Variants in TRIM26 observed in about 807,000 individuals in gnomAD.
TRIM26 encodes tripartite motif-containing protein 26.
Under a neutral mutation model 45.5 loss-of-function variants are expected in TRIM26, and 16 were observed. That is an observed-to-expected ratio of 0.35 (90% CI 0.24 to 0.53). The LOEUF (loss-of-function observed/expected upper bound fraction) is 0.53, where lower values mean the gene tolerates loss of function less well. Ranked by LOEUF, TRIM26 falls within the 20% of genes least tolerant of loss-of-function variation. The pLI is 0.92. For missense variants in TRIM26, 442 were observed against 691.1 expected (o/e 0.64, Z 4.04); for synonymous variants, 273 against 290.4 (o/e 0.94, Z 0.61).
chr6:30,186,949 A>C lies in TRIM26; in HGVS notation c.938-391T>G, dbSNP rs1775258723. 2.0e-6 allele frequency: 1 copy of C among 508,342 alleles called. No homozygotes were observed. The highest frequency in any genetic ancestry group is 3.6e-6 in the Non-Finnish European group (1 of 278,432). The allele number at this position is 508,342 out of a possible 1,614,324, so 31.5% of individuals were successfully genotyped here. On this transcript the variant is annotated intron_variant, in intron 9 of 9. Coordinates refer to ENST00000454678, the MANE Select transcript of TRIM26 (RefSeq NM_003449.5). This position sits in a 1 kb window ranked among gnomAD's most constrained non-coding sequence, Gnocchi z 7.4. The stretch of plus-strand genomic sequence containing the variant: ...CCATTTTCTTCATAATCCAGAAAAA[A>C]AGTCCTCTTTTTCAAGTAACTCTTG...
chr6:30,203,957 A>G (rs1031027171), intron 2 of TRIM26, among the ~76,000 whole-genome samples: 1 of 152,174 alleles, frequency 6.6e-6, no homozygotes, highest in African/African-American at 2.4e-5. Context: ...AACCATCAAA[A>G]ATGGTTAAAT....
Position 30,199,117 on chromosome 6 carries a change from CAG to C in TRIM26, c.-16_-15del. 6.5e-7 allele frequency: 1 copy of C among 1,538,364 alleles called. No homozygotes were observed. The highest frequency in any genetic ancestry group is 1.3e-5 in the South Asian group (1 of 79,452). On this transcript the variant is annotated 5_prime_UTR_variant, in exon 4 of 10. It removes the in-frame stop codon of an upstream open reading frame in the 5' UTR. Coordinates refer to ENST00000454678, the MANE Select transcript of TRIM26 (RefSeq NM_003449.5). The stretch of plus-strand genomic sequence containing the variant: ...TGACGTGGCCATGGTATCCTTAGTT[CAG>C]AGAGGTCTCCGTTCACTGGTGAGGA...
intron 6 of TRIM26, among the ~76,000 whole-genome samples, chr6:30,191,758 T>TG (rs1220919753): frequency 4.6e-5 from 7 of 152,218 alleles, no homozygotes; most frequent in African/African-American, 9.6e-5. Context: ...GCCCAGAGAC[T>TG]GGTAGCACAT....
chr6:30,186,956 C>A lies in TRIM26; in HGVS notation c.938-398G>T, dbSNP rs1477912155. 4.1e-6 allele frequency: 2 copies of A among 485,804 alleles called. No homozygotes were observed. 30.1% of individuals were successfully genotyped at this position (485,804 alleles called of 1,614,324 possible). On this transcript the variant is annotated intron_variant, in intron 9 of 9. Transcript: ENST00000454678. The surrounding 1 kb of genome is among the most constrained non-coding windows in gnomAD (Gnocchi z 7.4). ...CTTCATAATCCAGAAAAAAAGTCCT[C>A]TTTTTCAAGTAACTCTTGATATGCT...
In TRIM26 at chr6:30,209,928, CG is replaced by C. The variant is rs1475485247; in HGVS notation, c.-376+3376del. On this transcript the variant is annotated intron_variant, in intron 1 of 9. Transcript: ENST00000454678. The surrounding 1 kb of genome is among the most constrained non-coding windows in gnomAD (Gnocchi z 4.8). ...CTGAGGTCAAAACTGCACAGGTGGC[CG>C]GGCACGGTGCCTCACGCCTGTAATC... Among the ~76,000 whole-genome samples, 2 of 152,128 alleles carry C rather than the reference CG, an allele frequency of 1.3e-5. No homozygotes were observed. The highest frequency in any genetic ancestry group is 2.9e-5 in the Non-Finnish European group (2 of 67,978).
chr6:30,203,052 T>C (rs542100740), intron 2 of TRIM26, among the ~76,000 whole-genome samples: 30,265 of 147,504 alleles, frequency 0.21, 3,308 homozygotes, highest in African/African-American at 0.31. Context: ...CTTTCTTTTT[T>C]TTTTTTTTTT....
intron 9 of TRIM26, chr6:30,188,241 A>G (rs796748405): frequency 3.9e-6 from 1 of 259,624 alleles, no homozygotes; most frequent in Non-Finnish European, 7.6e-6. Context: ...AAAAAAAAAA[A>G]AGAAATTTGG....
chr6:30,203,787 A>G (rs1486942707), intron 2 of TRIM26, among the ~76,000 whole-genome samples: 2 of 144,532 alleles, frequency 1.4e-5, no homozygotes, highest in Admixed American at 1.4e-4. Context: ...CTAATTTGAA[A>G]TGGTTCCTTT....
chr6:30,200,827 G>A (rs1042813711), intron 3 of TRIM26, among the ~76,000 whole-genome samples: 3 of 152,184 alleles, frequency 2.0e-5, no homozygotes, highest in Non-Finnish European at 4.4e-5. Flanking sequence ...TCATGTGAAA[G>A]AATTATGGGA....
At chr6:30,188,405 G>A in intron 9 of TRIM26, 1 of 324,982 alleles carries the variant, frequency 3.1e-6, no homozygotes, top group South Asian at 8.8e-5. Flanking sequence ...GGTACTGACA[G>A]AGTGGGATAA....
At chr6:30,187,280 C>T (rs941626714) in intron 9 of TRIM26, 3 of 306,132 alleles carry the variant, frequency 9.8e-6, no homozygotes, top group Non-Finnish European at 1.4e-5. Flanking sequence ...TCTTCCAAAA[C>T]TGACCCTGTC....
rs753620093 is a variant in TRIM26 at position 30,198,788 on chromosome 6, G to T, written c.316C>A (p.Arg106=). 1 of 1,605,866 alleles carries T rather than the reference G, an allele frequency of 6.2e-7. No individual in the cohort carries two copies. Among genetic ancestry groups the T allele is most frequent in the East Asian group, 2.2e-5 (1 of 44,878 alleles). The change falls in exon 4 of 10, where the codon CGA becomes AGA. Residue 106 remains arginine, a synonymous_variant. Transcript: ENST00000454678. This position sits in a 1 kb window ranked among gnomAD's most constrained non-coding sequence, Gnocchi z 6.3. Reference sequence around the variant, plus strand: ...TCACAGTAGTAGTGCAGCTTCTCTCGGTGTCGCTCGCACAACTTTGCATCC... The same window carrying T: ...TCACAGTAGTAGTGCAGCTTCTCTCTGTGTCGCTCGCACAACTTTGCATCC... The part of the protein sequence containing the change: ...QQDAKLCERH[R]EKLHYYCEDD...
rs1775602491 is a variant in TRIM26 at position 30,189,607 on chromosome 6, C to T, written c.789-74G>A. 7.8e-7 allele frequency: 1 copy of T among 1,284,206 alleles called. No individual in the cohort carries two copies. Among genetic ancestry groups the T allele is most frequent in the Admixed American group, 1.7e-5 (1 of 58,210 alleles). The allele number at this position is 1,284,206 out of a possible 1,614,324, so 79.6% of individuals were successfully genotyped here. A position where few individuals can be genotyped will look rare whatever the true frequency, so the allele number is the denominator to read the frequency against. ...TCCTTCATACTTATCTCTCAATCCT[C>T]ATGGCAATTATGAAGGGGAGAGGAA... On this transcript the variant is annotated intron_variant, in intron 7 of 9. Coordinates refer to ENST00000454678, the MANE Select transcript of TRIM26 (RefSeq NM_003449.5). This position sits in a 1 kb window ranked among gnomAD's most constrained non-coding sequence, Gnocchi z 5.0.
chr6:30,187,557 C>T (rs1257043637), intron 9 of TRIM26: 4 of 478,804 alleles, frequency 8.4e-6, no homozygotes, highest in South Asian at 3.3e-5. Flanking sequence ...TAGAAATTGG[C>T]GGAAGGTGCT....
intron 3 of TRIM26, among the ~76,000 whole-genome samples, chr6:30,199,927 C>T (rs1386144875): frequency 6.6e-6 from 1 of 152,080 alleles, no homozygotes; most frequent in Non-Finnish European, 1.5e-5. Context: ...TGAGCCACTG[C>T]ACCTGGCCAA....
At chr6:30,197,831 TTTTTC>T (rs1387581215) in intron 5 of TRIM26, among the ~76,000 whole-genome samples, 2 of 151,946 alleles carry the variant, frequency 1.3e-5, no homozygotes, top group Non-Finnish European at 2.9e-5. Context: ...GTAGAGACGC[TTTTTC>T]TTTTTTCTGA....
chr6:30,195,310 A>G (rs1197129604), intron 6 of TRIM26, among the ~76,000 whole-genome samples: 1 of 152,214 alleles, frequency 6.6e-6, no homozygotes, highest in Non-Finnish European at 1.5e-5. Context: ...TGACCCAGTC[A>G]AAGAGTATGA....
intron 3 of TRIM26, among the ~76,000 whole-genome samples, chr6:30,200,421 G>A (rs994508249): frequency 6.6e-6 from 1 of 152,212 alleles, no homozygotes. Context: ...TCCCTGGGCT[G>A]TTCTATAGTT....
At chr6:30,188,520 C>T (rs1022007040) in intron 9 of TRIM26, 15 of 258,896 alleles carry the variant, frequency 5.8e-5, no homozygotes. Context: ...AAGCTACAAC[C>T]ACCTAAGGTT....
Sources: gnomAD v4.1 joint callset for allele counts (sites outside exome capture counted in the v4.1 genomes callset) on GRCh38, gnomAD v4.1.1 for gene constraint, Gnocchi (gnomAD v3.1) non-coding constraint, MANE v1.5 for transcripts, NCBI Gene and HGNC (gene_info 2026-07-23, HGNC 2026-07-21) for gene names.